The following AFF1 variants were observed in gnomAD, a reference collection of about 807,000 sequenced individuals.
The protein encoded by AFF1 is AF4/FMR2 family member 1.
A neutral mutation model predicts 121.7 loss-of-function variants in AFF1; 48 were observed. That is an observed-to-expected ratio of 0.39 (90% CI 0.31 to 0.50). AFF1 has a LOEUF of 0.50. Among genes scored for constraint, AFF1 ranks in the 20% least tolerant of loss-of-function variants. The pLI is 0.76. For missense variants in AFF1, 1,523 were observed against 1,511.7 expected, an observed-to-expected ratio of 1.01 and a Z score of -0.12; for synonymous variants, 613 against 563.0, an observed-to-expected ratio of 1.09 and a Z score of -1.26.
chr4:87,116,979 C>G (rs1727190753), intron 12 of AFF1, among the ~76,000 whole-genome samples: 1 of 152,182 alleles, frequency 6.6e-6, no homozygotes, highest in South Asian at 2.1e-4. Flanking sequence ...TGGTAAATCT[C>G]TCACCTGTCT....
At chr4:87,041,830 C>T (rs116322186) in intron 2 of AFF1, among the ~76,000 whole-genome samples, 1 of 152,022 alleles carries the variant, frequency 6.6e-6, no homozygotes, top group African/African-American at 2.4e-5. Flanking sequence ...GTGTGGCCAA[C>T]TTGGTGAAAC....
chr4:86,946,218 C>CGTA (rs1040735666), intron 1 of AFF1, among the ~76,000 whole-genome samples: 23 of 152,118 alleles, frequency 1.5e-4, no homozygotes, highest in Non-Finnish European at 2.6e-4. Context: ...GACCACCCTA[C>CGTA]GTAGAACCGC....
chr4:87,057,083 AC>A (rs1411771698), intron 4 of AFF1, among the ~76,000 whole-genome samples: 40 of 152,282 alleles, frequency 2.6e-4, no homozygotes, highest in African/African-American at 8.7e-4. Context: ...TAGAAGCTGT[AC>A]ATTTTTTTTT....
intron 19 of AFF1, among the ~76,000 whole-genome samples, chr4:87,133,048 C>T (rs1217525879): frequency 6.6e-6 from 1 of 152,208 alleles, no homozygotes; most frequent in Non-Finnish European, 1.5e-5. Context: ...GAGGCGGAGC[C>T]AACAGAACCA....
chr4:86,995,762 C>G (rs1725108393), intron 2 of AFF1, among the ~76,000 whole-genome samples: 1 of 152,050 alleles, frequency 6.6e-6, no homozygotes, highest in South Asian at 2.1e-4. Context: ...AGCGTCTCTG[C>G]CAGGCCGCCC....
chr4:86,993,270 CCT>C (rs1313906366), intron 2 of AFF1, among the ~76,000 whole-genome samples: 3 of 152,202 alleles, frequency 2.0e-5, no homozygotes, highest in African/African-American at 7.2e-5. Flanking sequence ...GTTGATGTAA[CCT>C]CTTTTATGTG....
chr4:87,101,095 T>C (rs998984722), intron 8 of AFF1, among the ~76,000 whole-genome samples: 5 of 152,232 alleles, frequency 3.3e-5, no homozygotes, highest in Admixed American at 3.3e-4. Context: ...TTCTAACTAT[T>C]GTCACCATTT....
chr4:87,099,448 C>T (rs1725196480), intron 8 of AFF1, among the ~76,000 whole-genome samples: 1 of 152,190 alleles, frequency 6.6e-6, no homozygotes, highest in Non-Finnish European at 1.5e-5. Context: ...CTCATTCTGT[C>T]ACCCAGGCTG....
At position 86,985,203 on chromosome 4, in the gene AFF1, AT is replaced by A. The variant is rs1560518353; in HGVS notation, c.38+36633del. Among the ~76,000 whole-genome samples the A allele has an allele frequency of 1.9e-4, 26 of 134,336 alleles. 1 individual carries two copies. The highest frequency in any genetic ancestry group is 5.5e-4 in the African/African-American group (19 of 34,742). 88.1% of individuals were successfully genotyped at this position (134,336 alleles called of 152,430 possible). A position where few individuals can be genotyped will look rare whatever the true frequency, so the allele number is the denominator to read the frequency against. ...TTACTATATATATATATATATATAT[AT>A]ATATATATATAAAATTATATTTTAG... On this transcript the variant is annotated intron_variant, in intron 2 of 20. Transcript: ENST00000395146.
intron 4 of AFF1, among the ~76,000 whole-genome samples, chr4:87,081,354 G>A (rs1723158717): frequency 1.3e-5 from 2 of 151,602 alleles, no homozygotes; most frequent in Non-Finnish European, 2.9e-5. Context: ...GTAGAGATGG[G>A]GTTTCACCGT....
intron 4 of AFF1, chr4:87,047,891 T>C (rs2149617464): frequency 1.9e-5 from 8 of 421,464 alleles, no homozygotes; most frequent in South Asian, 1.6e-4. Context: ...TTTCAAAAAA[T>C]AGATACACCT....
rs1729382190 is a variant in AFF1 at position 87,137,333 on chromosome 4, C to CT, written c.*1633dup. On this transcript the variant is annotated 3_prime_UTR_variant, in exon 21 of 21. Transcript: ENST00000395146. ...CCATATTTATTTATAATGAAGACAT[C>CT]TAAGATCCCTATGATGAATGCAGGA... 1 of 227,806 alleles carries CT rather than the reference C, an allele frequency of 4.4e-6. No individual in the cohort carries two copies. Among genetic ancestry groups the CT allele is most frequent in the Non-Finnish European group, 8.7e-6 (1 of 114,404 alleles). 14.1% of individuals were successfully genotyped at this position (227,806 alleles called of 1,614,324 possible). A position where few individuals can be genotyped will look rare whatever the true frequency, so the allele number is the denominator to read the frequency against.
rs55861531 is a variant in AFF1, at chr4:87,043,106, C to A, written c.39-3060C>A. On this transcript the variant is annotated intron_variant, in intron 2 of 20. Coordinates refer to ENST00000395146, the MANE Select transcript of AFF1 (RefSeq NM_001166693.3). ...ACTGAGAATTGCCATTTGGAGTTCC[C>A]TTCTCTGAGACAAAGGTAGCATTTA... Among the ~76,000 whole-genome samples the A allele has an allele frequency of 4.8e-3, 732 of 152,300 alleles. 3 individuals are homozygous for A. The highest frequency in any genetic ancestry group is 0.017 in the Middle Eastern group (5 of 294).
At chr4:86,977,197 C>T (rs1362013020) in intron 2 of AFF1, among the ~76,000 whole-genome samples, 1 of 152,164 alleles carries the variant, frequency 6.6e-6, no homozygotes, top group Non-Finnish European at 1.5e-5. Flanking sequence ...GCACCCTATA[C>T]ACTATATAGT....
intron 2 of AFF1, among the ~76,000 whole-genome samples, chr4:86,985,344 C>G (rs1724160898): frequency 6.6e-6 from 1 of 150,904 alleles, no homozygotes; most frequent in South Asian, 2.1e-4. Flanking sequence ...AACCCTGTCT[C>G]TACTAAAAAT....
chr4:87,098,586 A>C (rs1388605826), intron 8 of AFF1, among the ~76,000 whole-genome samples: 2 of 152,238 alleles, frequency 1.3e-5, no homozygotes, highest in East Asian at 3.8e-4. Context: ...AATATTTTAG[A>C]AACTAAAAAA....
chr4:87,004,294 A>G (rs1725926617), intron 2 of AFF1, among the ~76,000 whole-genome samples: 1 of 152,360 alleles, frequency 6.6e-6, no homozygotes, highest in East Asian at 1.9e-4. Context: ...ATGATATAGA[A>G]TAAGTTTGCA....
intron 4 of AFF1, among the ~76,000 whole-genome samples, chr4:87,050,654 C>T (rs764162181): frequency 7.9e-5 from 12 of 152,114 alleles, no homozygotes; most frequent in African/African-American, 2.2e-4. Flanking sequence ...GGTCGGTTTC[C>T]GACTAGAGGC....
chr4:86,947,315 G>A (rs1720935734), intron 1 of AFF1, among the ~76,000 whole-genome samples: 1 of 152,150 alleles, frequency 6.6e-6, no homozygotes, highest in Non-Finnish European at 1.5e-5. Context: ...GGCAAATTAT[G>A]TCTGCTAGTA....
Sources: allele counts gnomAD v4.1 joint callset (sites outside exome capture counted in the v4.1 genomes callset), GRCh38; gene constraint gnomAD v4.1.1; transcripts MANE v1.5; gene names NCBI Gene and HGNC (gene_info 2026-07-23, HGNC 2026-07-21).